The following NBEAL1 variants were observed in gnomAD, a reference collection of about 807,000 sequenced individuals.
The protein encoded by NBEAL1 is neurobeachin-like protein 1.
In NBEAL1, 273 loss-of-function variants were observed where a neutral mutation model predicts 351.3. The ratio of observed to expected loss-of-function variants is 0.78; its 90% CI spans 0.70 to 0.86. The LOEUF is 0.86. NBEAL1 is among the 40% of genes least tolerant of loss of function. The pLI is 0.00. For synonymous variants in NBEAL1, 1,050 were observed against 1,086.4 expected, an observed-to-expected ratio of 0.97 and a Z score of 0.66; for missense variants, 2,961 against 3,201.3, an observed-to-expected ratio of 0.92 and a Z score of 1.81.
At chr2:203,107,311 TTTAATA>T in intron 12 of NBEAL1, 103 bp from the exon 13 acceptor site, 1 of 528,362 alleles carries the variant, frequency 1.9e-6, no homozygotes, top group Non-Finnish European at 3.3e-6. Context: ...TTTTTCTTTA[TTTAATA>T]TTAAGTTAAT....
In NBEAL1 at chr2:203,224,774, G is replaced by A. The variant is rs1408742004; in HGVS notation, c.*7420G>A. Among the ~76,000 whole-genome samples, 3 of 152,128 alleles carry A rather than the reference G, an allele frequency of 2.0e-5. No individual in the cohort carries two copies. Among genetic ancestry groups the A allele is most frequent in the Non-Finnish European group, 4.4e-5 (3 of 67,996 alleles). ...TTATTTATATCTAATTATTGACTGT[G>A]CAAACTGTGACTCAGTGGATATTTG... On this transcript the variant is annotated 3_prime_UTR_variant, in exon 56 of 56. Coordinates refer to ENST00000683969, the MANE Select transcript of NBEAL1 (RefSeq NM_001378026.1).
rs377031734 is a variant in NBEAL1, at chr2:203,126,838, C to A, written c.3160C>A (p.Leu1054Ile). The change falls in exon 23 of 56, where the codon CTT (leucine) becomes ATT (isoleucine). Residue 1054 changes from leucine (L) to isoleucine (I), a missense_variant. Coordinates refer to ENST00000683969, the MANE Select transcript of NBEAL1 (RefSeq NM_001378026.1). ...FPFRIGHIQY[L>I]STIIKDSRRV... Reference sequence around the variant, plus strand: ...TTTTATTTTAGGTCACATACAGTATCTTTCAACCATCATTAAAGACAGCAG... The same window carrying A: ...TTTTATTTTAGGTCACATACAGTATATTTCAACCATCATTAAAGACAGCAG... 6.4e-7 allele frequency: 1 copy of A among 1,552,094 alleles called. No individual in the cohort carries two copies.
intron 51 of NBEAL1, among the ~76,000 whole-genome samples, chr2:203,204,665 AG>A (rs1431116143): frequency 6.6e-6 from 1 of 152,064 alleles, no homozygotes; most frequent in Non-Finnish European, 1.5e-5. Flanking sequence ...TGTTTGTTTC[AG>A]GTCCTTTTTA....
intron 38 of NBEAL1, among the ~76,000 whole-genome samples, chr2:203,168,880 C>T (rs1306466172): frequency 5.5e-5 from 6 of 109,976 alleles, no homozygotes; most frequent in Non-Finnish European, 1.0e-4. Flanking sequence ...GGTGACAGAG[C>T]GAGACTCCAT....
chr2:203,202,794 T>G lies in NBEAL1; in HGVS notation c.7506+13T>G, dbSNP rs1248959027. 6.3e-6 allele frequency: 9 copies of G among 1,421,168 alleles called. No individual in the cohort carries two copies. Among genetic ancestry groups the G allele is most frequent in the Non-Finnish European group, 8.9e-6 (9 of 1,008,066 alleles). 88.0% of individuals were successfully genotyped at this position (1,421,168 alleles called of 1,614,324 possible). ...AATAACACAACAGGTAGTCACACAT[T>G]TAAATGTTCTTGAATTAGGTCAGAG... On this transcript the variant is annotated intron_variant, in intron 51 of 55. Coordinates refer to ENST00000683969, the MANE Select transcript of NBEAL1 (RefSeq NM_001378026.1).
At chr2:203,068,678 A>G (rs1279556827) in intron 7 of NBEAL1, among the ~76,000 whole-genome samples, 1 of 152,138 alleles carries the variant, frequency 6.6e-6, no homozygotes, top group Non-Finnish European at 1.5e-5. Context: ...GTTCTCAAAA[A>G]ATTTTTTTAG....
At chr2:203,170,664 T>A (rs1321043059) in intron 39 of NBEAL1, among the ~76,000 whole-genome samples, 3 of 152,220 alleles carry the variant, frequency 2.0e-5, no homozygotes, top group Admixed American at 1.3e-4. Flanking sequence ...AACACATTAA[T>A]CTTTCTTAAG....
rs530440261 is a variant in NBEAL1 at position 203,068,395 on chromosome 2, G to T, written c.518G>T (p.Arg173Leu). The T allele has an allele frequency of 1.3e-6, 2 of 1,503,964 alleles. No individual in the cohort carries two copies. Among genetic ancestry groups the T allele is most frequent in the Non-Finnish European group, 1.8e-6 (2 of 1,118,140 alleles). 93.2% of individuals were successfully genotyped at this position (1,503,964 alleles called of 1,614,324 possible). The change falls in exon 7 of 56, where the codon CGA (arginine) becomes CTA (leucine). Residue 173 changes from arginine (R) to leucine (L), a missense_variant and splice_region_variant. Coordinates refer to ENST00000683969, the MANE Select transcript of NBEAL1 (RefSeq NM_001378026.1). Reference protein sequence around the residue: ...YRNWRHRISGRILSTVEKSRQ... With the variant: ...YRNWRHRISGLILSTVEKSRQ... ...TATTAACTTCTTTTTAATGATAGAC[G>T]AATCCTTAGTACTGTGGAAAAGAGC... is the stretch of plus-strand genomic sequence containing the variant.
intron 43 of NBEAL1, chr2:203,181,444 G>A (rs1332784473): frequency 2.0e-5 from 3 of 152,082 alleles, no homozygotes; most frequent in African/African-American, 7.2e-5. Flanking sequence ...GAAAATTTAT[G>A]TTATGTTTTT....
At chr2:203,073,156 A>T (rs962672832) in intron 7 of NBEAL1, among the ~76,000 whole-genome samples, 1 of 152,162 alleles carries the variant, frequency 6.6e-6, no homozygotes, top group African/African-American at 2.4e-5. Context: ...TTACCACCTC[A>T]GCCTCCTGAG....
Position 203,213,593 on chromosome 2 carries a change from T to C in NBEAL1, c.8010T>C (p.His2670=). ...TTTGTGTCACCAAAGAATACAGCCA[T>C]ATTCTTGTAGGTTTAGAAGATGGCA... The part of the protein sequence containing the change: ...HCVCVTKEYS[H]ILVGLEDGKL... Residue 2670 remains histidine, a synonymous_variant, in exon 55 of 56, where the codon CAT becomes CAC. Transcript: ENST00000683969. 1 of 1,614,122 alleles carries C rather than the reference T, an allele frequency of 6.2e-7. No individual in the cohort carries two copies. Among genetic ancestry groups the C allele is most frequent in the Middle Eastern group, 1.6e-4 (1 of 6,062 alleles).
At chr2:203,129,268 T>C in intron 24 of NBEAL1, among the ~76,000 whole-genome samples, 1 of 152,250 alleles carries the variant, frequency 6.6e-6, no homozygotes, top group South Asian at 2.1e-4. Context: ...AGAACCCAAA[T>C]GTTAAAAAAA....
intron 15 of NBEAL1, among the ~76,000 whole-genome samples, chr2:203,110,723 C>T (rs7582010): frequency 1 from 140,361 of 140,960 alleles, 69,884 homozygotes; most frequent in East Asian, 1. Flanking sequence ...ATATATAGAA[C>T]GTTAGGATGT....
In NBEAL1 at chr2:203,145,094, T is replaced by C. The variant is rs377695749; in HGVS notation, c.5238T>C (p.Tyr1746=). ...TGGCACTTTATTGGAAGGATTGTTA[T>C]GAAGCTTTAATGGTAAATATGCATA... ...ENMALYWKDC[Y]EALMVNMHKR... Residue 1746 remains tyrosine, a synonymous_variant, in exon 33 of 56, where the codon TAT becomes TAC. Transcript: ENST00000683969. The C allele has an allele frequency of 2.7e-5, 43 of 1,613,314 alleles. No homozygotes were observed. Among genetic ancestry groups the C allele is most frequent in the Admixed American group, 3.3e-5 (2 of 59,906 alleles).
At position 203,166,559 on chromosome 2, in the gene NBEAL1, T is replaced by A. The variant is rs73056792; in HGVS notation, c.5863+262T>A. Among the ~76,000 whole-genome samples the A allele has an allele frequency of 2.9e-3, 435 of 152,250 alleles. 5 individuals are homozygous for A. The highest frequency in any genetic ancestry group is 0.01 in the African/African-American group (418 of 41,538). On this transcript the variant is annotated intron_variant, in intron 37 of 55. Transcript: ENST00000683969. ...AAATACAGTGTTTATTATTATTATT[T>A]TTTTGAGATGGAGTTCCACTCTTGT...
chr2:203,119,555 A>G lies in NBEAL1; in HGVS notation c.2593-2699A>G, dbSNP rs1026017546. Among the ~76,000 whole-genome samples, 20 of 148,956 alleles carry G rather than the reference A, an allele frequency of 1.3e-4. 1 individual carries two copies. Among genetic ancestry groups the G allele is most frequent in the Middle Eastern group, 3.6e-3 (1 of 278 alleles). On this transcript the variant is annotated intron_variant, in intron 18 of 55. Coordinates refer to ENST00000683969, the MANE Select transcript of NBEAL1 (RefSeq NM_001378026.1). ...ATTCTCCTGCCTCAGCCTCCTGAGT[A>G]GCTGGGATTACAGGCATGCGCCACC...
intron 35 of NBEAL1, 23 bp from the exon 36 acceptor site, chr2:203,157,676 T>C: frequency 1.9e-6 from 3 of 1,541,220 alleles, no homozygotes; most frequent in Non-Finnish European, 2.6e-6. Flanking sequence ...TTATGTTTAA[T>C]AGATATTTTG....
chr2:203,096,743 C>T (rs2062192830), intron 10 of NBEAL1, among the ~76,000 whole-genome samples: 1 of 152,132 alleles, frequency 6.6e-6, no homozygotes, highest in African/African-American at 2.4e-5. Flanking sequence ...GGAAATGCTG[C>T]ACCGTGACCT....
chr2:203,094,647 C>T (rs1052321009), intron 10 of NBEAL1, among the ~76,000 whole-genome samples: 1 of 152,142 alleles, frequency 6.6e-6, no homozygotes, highest in Non-Finnish European at 1.5e-5. Context: ...GGCTTCTCGG[C>T]TTGGCAAATG....
Sources: gnomAD v4.1 joint callset for allele counts (sites outside exome capture counted in the v4.1 genomes callset) on GRCh38, gnomAD v4.1.1 for gene constraint, MANE v1.5 for transcripts, NCBI Gene and HGNC (gene_info 2026-07-23, HGNC 2026-07-21) for gene names.